The following ATXN7L1 variants were observed in gnomAD, a reference collection of about 807,000 sequenced individuals.
ATXN7L1 encodes the protein ataxin-7-like protein 1.
Under a neutral mutation model 70.8 loss-of-function variants are expected in ATXN7L1, and 15 were observed. The observed-to-expected ratio is 0.21, with a 90% CI of 0.14 to 0.33. ATXN7L1 has a LOEUF of 0.33. ATXN7L1 is among the 10% of genes least tolerant of loss of function. ATXN7L1 has a pLI of 1.00. For missense variants in ATXN7L1, 975 were observed against 1,097.1 expected, an observed-to-expected ratio of 0.89 and a Z score of 1.57; for synonymous variants, 440 against 445.1, an observed-to-expected ratio of 0.99 and a Z score of 0.14.
chr7:105,760,467 A>G (rs1175383877), intron 3 of ATXN7L1: 2 of 985,680 alleles, frequency 2.0e-6, no homozygotes, highest in Non-Finnish European at 2.4e-6. Context: ...AGAATTCCTA[A>G]TGGTACTCTC....
At chr7:105,872,672 A>G (rs1389815077) in intron 2 of ATXN7L1, among the ~76,000 whole-genome samples, 1 of 152,114 alleles carries the variant, frequency 6.6e-6, no homozygotes, top group Non-Finnish European at 1.5e-5. Context: ...GGAATGGGGA[A>G]TGGGGAGTGA....
intron 3 of ATXN7L1, among the ~76,000 whole-genome samples, chr7:105,677,485 C>T (rs1449799747): frequency 1.3e-5 from 2 of 152,168 alleles, no homozygotes; most frequent in Non-Finnish European, 2.9e-5. Flanking sequence ...CCTGGACACA[C>T]CCAGAGGGCA....
chr7:105,701,001 A>G (rs1792387837), intron 3 of ATXN7L1, among the ~76,000 whole-genome samples: 2 of 152,204 alleles, frequency 1.3e-5, no homozygotes, highest in Admixed American at 1.3e-4. Flanking sequence ...TATTATTTAT[A>G]GCTCCTCCTA....
chr7:105,874,370 TG>T (rs1453785974), intron 2 of ATXN7L1, among the ~76,000 whole-genome samples: 2 of 152,180 alleles, frequency 1.3e-5, no homozygotes, highest in Admixed American at 1.3e-4. Flanking sequence ...GCCTGATAAC[TG>T]GGTCTTGCAA....
chr7:105,692,370 T>TTTCCTTCTTTCCTTCCTTCC (rs1392772227), intron 3 of ATXN7L1, among the ~76,000 whole-genome samples: 1 of 94,510 alleles, frequency 1.1e-5, no homozygotes, highest in African/African-American at 4.3e-5. Flanking sequence ...AATTTCTTTC[T>TTTCCTTCTTTCCTTCCTTCC]TTCCTTCCTT....
chr7:105,779,487 G>A (rs1803231214), intron 3 of ATXN7L1, among the ~76,000 whole-genome samples: 1 of 152,186 alleles, frequency 6.6e-6, no homozygotes, highest in Non-Finnish European at 1.5e-5. Context: ...CTTAGTCGTA[G>A]ATTCTCTCGG....
intron 6 of ATXN7L1, among the ~76,000 whole-genome samples, chr7:105,639,277 T>G (rs954280433): frequency 6.6e-6 from 1 of 151,412 alleles, no homozygotes; most frequent in African/African-American, 2.4e-5. Flanking sequence ...GCCTAGTTTT[T>G]TTTTTTTTTT....
At chr7:105,759,334 AC>A (rs1178765665) in intron 3 of ATXN7L1, among the ~76,000 whole-genome samples, 2 of 151,488 alleles carry the variant, frequency 1.3e-5, no homozygotes, top group Non-Finnish European at 2.9e-5. Flanking sequence ...TGGGCCACTC[AC>A]TCCCAAGATT....
intron 3 of ATXN7L1, among the ~76,000 whole-genome samples, chr7:105,746,619 T>C (rs1798616797): frequency 6.6e-6 from 1 of 152,238 alleles, no homozygotes; most frequent in African/African-American, 2.4e-5. Context: ...CCTGACATCA[T>C]ACACTTCTTT....
intron 3 of ATXN7L1, among the ~76,000 whole-genome samples, chr7:105,776,691 T>C (rs1165103993): frequency 6.6e-6 from 1 of 152,116 alleles, no homozygotes. Context: ...CTAATATTGG[T>C]GAAGCAGAAG....
intron 8 of ATXN7L1, among the ~76,000 whole-genome samples, chr7:105,620,886 C>CTA (rs1794826713): frequency 6.8e-6 from 1 of 146,876 alleles, no homozygotes; most frequent in African/African-American, 2.5e-5. Flanking sequence ...CAGGCTGAGA[C>CTA]TGTCTCAGAG....
chr7:105,737,131 G>A (rs1050859142), intron 3 of ATXN7L1, among the ~76,000 whole-genome samples: 1 of 152,220 alleles, frequency 6.6e-6, no homozygotes, highest in Admixed American at 6.5e-5. Flanking sequence ...CTATTCAGGT[G>A]TTCCACCTCT....
intron 2 of ATXN7L1, among the ~76,000 whole-genome samples, chr7:105,866,957 T>C (rs1321304352): frequency 5.9e-5 from 9 of 152,196 alleles, no homozygotes; most frequent in African/African-American, 1.9e-4. Context: ...TTCTGAAATA[T>C]GTCATGAATG....
At chr7:105,767,110 C>CA in intron 3 of ATXN7L1, among the ~76,000 whole-genome samples, 1 of 152,262 alleles carries the variant, frequency 6.6e-6, no homozygotes, top group South Asian at 2.1e-4. Context: ...AATGATTTTG[C>CA]AGGGGAATGA....
chr7:105,871,870 T>G (rs1365963362), intron 2 of ATXN7L1, among the ~76,000 whole-genome samples: 1 of 152,154 alleles, frequency 6.6e-6, no homozygotes, highest in Admixed American at 6.5e-5. Context: ...TGGAAAGAAT[T>G]GAAAGAAAGT....
intron 2 of ATXN7L1, among the ~76,000 whole-genome samples, chr7:105,838,960 A>C (rs999626476): frequency 2.0e-5 from 3 of 152,236 alleles, no homozygotes; most frequent in Non-Finnish European, 4.4e-5. Context: ...TTCACGAAGC[A>C]TCATCTCTGC....
intron 2 of ATXN7L1, among the ~76,000 whole-genome samples, chr7:105,856,984 T>C (rs377312031): frequency 2.0e-5 from 3 of 152,222 alleles, no homozygotes; most frequent in African/African-American, 7.2e-5. Flanking sequence ...TGTCTACAAC[T>C]GGAATAAATT....
chr7:105,826,671 C>T (rs1026123539), intron 2 of ATXN7L1, among the ~76,000 whole-genome samples: 1 of 151,932 alleles, frequency 6.6e-6, no homozygotes, highest in Non-Finnish European at 1.5e-5. Flanking sequence ...GATAAAACAA[C>T]ATGGCCACCA....
intron 2 of ATXN7L1, among the ~76,000 whole-genome samples, chr7:105,847,278 T>C (rs973804723): frequency 6.6e-5 from 10 of 152,100 alleles, no homozygotes; most frequent in East Asian, 1.9e-4. Context: ...GGTGAGAACA[T>C]TGGGAGTTGG....
Sources: gnomAD v4.1 joint callset for allele counts (sites outside exome capture counted in the v4.1 genomes callset) on GRCh38, gnomAD v4.1.1 for gene constraint, MANE v1.5 for transcripts, NCBI Gene and HGNC (gene_info 2026-07-23, HGNC 2026-07-21) for gene names.